Variants in DGAT2 observed in about 807,000 individuals in gnomAD.
DGAT2 encodes diacylglycerol O-acyltransferase 2.
DGAT2 carries 33 observed loss-of-function variants against 48.4 expected under a neutral mutation model. The observed-to-expected ratio is 0.68, with a 90% CI of 0.52 to 0.91. The LOEUF is 0.91. DGAT2 is among the 40% of genes least tolerant of loss of function. The probability of loss-of-function intolerance (pLI) is 0.00; values close to 1 mark genes in which losing one functional copy is unlikely to be tolerated. For missense variants in DGAT2, 446 were observed against 493.7 expected (o/e 0.90, Z 0.92); for synonymous variants, 191 against 194.1 (o/e 0.98, Z 0.13).
chr11:75,772,339 G>A (rs1944766951), intron 1 of DGAT2, among the ~76,000 whole-genome samples: 1 of 152,110 alleles, frequency 6.6e-6, no homozygotes, highest in Non-Finnish European at 1.5e-5. Context: ...GGCCTATGAA[G>A]TAAGCCCCAG....
chr11:75,773,040 C>T (rs1418285371), intron 1 of DGAT2, among the ~76,000 whole-genome samples: 1 of 152,184 alleles, frequency 6.6e-6, no homozygotes, highest in Non-Finnish European at 1.5e-5. Flanking sequence ...CCCTTGGAAA[C>T]AGGAACCTTG....
intron 4 of DGAT2, 189 bp from the exon 5 acceptor site, chr11:75,796,139 G>A: frequency 3.1e-6 from 2 of 635,068 alleles, no homozygotes. Context: ...CAGTGCAAAT[G>A]GTGACTGCCC....
In DGAT2 at chr11:75,769,126, C is replaced by A; in HGVS notation, c.121+14C>A. On this transcript the variant is annotated intron_variant, in intron 1 of 7. Coordinates refer to ENST00000228027, the MANE Select transcript of DGAT2 (RefSeq NM_032564.5). ...CTGGGAGATGGGGTGAGTGCCACGG[C>A]GCAGGGGTTATGGACCTGCGAGAAG... 1 of 1,554,702 alleles carries A rather than the reference C, an allele frequency of 6.4e-7. No homozygotes were observed. Among genetic ancestry groups the A allele is most frequent in the East Asian group, 2.5e-5 (1 of 39,672 alleles).
Position 75,797,263 on chromosome 11 carries a change from C to T in DGAT2, c.740C>T (p.Ser247Phe). The change falls in exon 6 of 8, where the codon TCC (serine) becomes TTC (phenylalanine). Residue 247 changes from serine (S) to phenylalanine (F), a missense_variant. Coordinates refer to ENST00000228027, the MANE Select transcript of DGAT2 (RefSeq NM_032564.5). ...VVGGAAESLS[S>F]MPGKNAVTLR... Reference sequence around the variant, plus strand: ...GGGGGTGCGGCTGAGTCTCTGAGCTCCATGCCTGGCAAGAATGCAGTCACC... The same window carrying T: ...GGGGGTGCGGCTGAGTCTCTGAGCTTCATGCCTGGCAAGAATGCAGTCACC... 3 of 1,578,788 alleles carry T rather than the reference C, an allele frequency of 1.9e-6. No homozygotes were observed. The highest frequency in any genetic ancestry group is 2.6e-6 in the Non-Finnish European group (3 of 1,162,628).
In DGAT2 at chr11:75,800,514, C is replaced by A; in HGVS notation, c.*6C>A. The stretch of plus-strand genomic sequence containing the variant: ...AGGTCCTGGAGGTGAACTGAGCCAG[C>A]CTTCGGGGCCAATTCCCTGGAGGAA... On this transcript the variant is annotated 3_prime_UTR_variant, in exon 8 of 8. Coordinates refer to ENST00000228027, the MANE Select transcript of DGAT2 (RefSeq NM_032564.5). 1 of 1,613,482 alleles carries A rather than the reference C, an allele frequency of 6.2e-7. No individual in the cohort carries two copies.
At chr11:75,798,142 T>C in intron 6 of DGAT2, 85 bp from the exon 7 acceptor site, 1 of 1,409,858 alleles carries the variant, frequency 7.1e-7, no homozygotes, top group East Asian at 2.3e-5. Context: ...AGGGGGATGC[T>C]TGGCCAGTGT....
intron 1 of DGAT2, among the ~76,000 whole-genome samples, chr11:75,781,789 A>G (rs1944866883): frequency 6.6e-6 from 1 of 151,870 alleles, no homozygotes; most frequent in Non-Finnish European, 1.5e-5. Flanking sequence ...GACTTGGGAG[A>G]CTCCCGCAGG....
At chr11:75,772,002 A>G (rs1489863399) in intron 1 of DGAT2, among the ~76,000 whole-genome samples, 3 of 152,186 alleles carry the variant, frequency 2.0e-5, no homozygotes, top group Admixed American at 2.0e-4. Flanking sequence ...GGACTTTCCC[A>G]GGGTTATCAA....
At chr11:75,774,489 C>T (rs997762476) in intron 1 of DGAT2, among the ~76,000 whole-genome samples, 2 of 152,236 alleles carry the variant, frequency 1.3e-5, no homozygotes, top group East Asian at 1.9e-4. Flanking sequence ...TAAGCCCTGC[C>T]TCTGCTTCCC....
intron 1 of DGAT2, among the ~76,000 whole-genome samples, chr11:75,779,793 T>G (rs1944840695): frequency 6.6e-6 from 1 of 152,174 alleles, no homozygotes; most frequent in Non-Finnish European, 1.5e-5. Context: ...GTGGAGAAAC[T>G]TGTACCTAGG....
intron 2 of DGAT2, among the ~76,000 whole-genome samples, chr11:75,785,353 G>A (rs1237579431): frequency 6.6e-5 from 10 of 152,266 alleles, no homozygotes; most frequent in Non-Finnish European, 8.8e-5. Flanking sequence ...GGGAATCATC[G>A]GGAGGTGCCC....
rs553565050 is a variant in DGAT2, at chr11:75,777,116, T to C, written c.122-7502T>C. Reference sequence around the variant, plus strand: ...GGGCCCAGGTGTGGCATCCTTGGGGTTGGGGATGTGGGCAGGGTGACCCCC... The same window carrying C: ...GGGCCCAGGTGTGGCATCCTTGGGGCTGGGGATGTGGGCAGGGTGACCCCC... On this transcript the variant is annotated intron_variant, in intron 1 of 7. Coordinates refer to ENST00000228027, the MANE Select transcript of DGAT2 (RefSeq NM_032564.5). 3.3e-5 allele frequency among the ~76,000 whole-genome samples: 5 copies of C among 152,178 alleles called. No individual in the cohort carries two copies. In the East Asian group the frequency reaches 9.7e-4, roughly 29 times the overall value.
Position 75,797,319 on chromosome 11 carries a change from G to A in DGAT2, c.796G>A (p.Ala266Thr). 1 of 1,511,362 alleles carries A rather than the reference G, an allele frequency of 6.6e-7. No individual in the cohort carries two copies. The highest frequency in any genetic ancestry group is 1.4e-5 in the African/African-American group (1 of 71,126). The allele number at this position is 1,511,362 out of a possible 1,614,324, so 93.6% of individuals were successfully genotyped here. ...LRNRKGFVKL[A>T]LRHGADLVPI... Reference sequence around the variant, plus strand: ...GAACCGCAAGGGCTTTGTGAAACTGGCCCTGCGTCATGGGTGAGTGCCTCC... The same window carrying A: ...GAACCGCAAGGGCTTTGTGAAACTGACCCTGCGTCATGGGTGAGTGCCTCC... Residue 266 changes from alanine (A) to threonine (T), a missense_variant, in exon 6 of 8, where the codon GCC becomes ACC. Transcript: ENST00000228027.
At chr11:75,787,065 AT>A (rs550898147) in intron 2 of DGAT2, among the ~76,000 whole-genome samples, 66 of 150,658 alleles carry the variant, frequency 4.4e-4, no homozygotes, top group Middle Eastern at 3.4e-3. Context: ...AGAAGAAATG[AT>A]TTTTTTTAAG....
At chr11:75,773,483 G>C (rs1354965609) in intron 1 of DGAT2, among the ~76,000 whole-genome samples, 1 of 152,162 alleles carries the variant, frequency 6.6e-6, no homozygotes. Context: ...TGGAAAATAG[G>C]GTCAGAATTC....
At chr11:75,800,263 C>A in intron 7 of DGAT2, 91 bp from the exon 8 acceptor site, 2 of 1,458,804 alleles carry the variant, frequency 1.4e-6, no homozygotes. Context: ...ACATGGCGGG[C>A]CCACAGCCCA....
chr11:75,784,666 C>T lies in DGAT2; in HGVS notation c.170C>T (p.Thr57Ile). The change falls in exon 2 of 8, where the codon ACC becomes ATC. Residue 57 changes from threonine to isoleucine, a missense_variant. Transcript: ENST00000228027. ...GCCCTCCAGGACCTCTTCTCTGTCA[C>T]CTGGCTCAATAGGTCCAAGGTGGAA... ...LSALQDLFSV[T>I]WLNRSKVEKQ... 1.9e-6 allele frequency: 3 copies of T among 1,614,138 alleles called. No homozygotes were observed. The highest frequency in any genetic ancestry group is 2.5e-6 in the Non-Finnish European group (3 of 1,179,990).
intron 1 of DGAT2, among the ~76,000 whole-genome samples, chr11:75,783,634 G>A (rs1362229097): frequency 6.6e-6 from 1 of 152,154 alleles, no homozygotes; most frequent in Non-Finnish European, 1.5e-5. Context: ...GTTGAGCAAA[G>A]GGCATGTAGT....
chr11:75,775,513 C>T (rs1225775602), intron 1 of DGAT2, among the ~76,000 whole-genome samples: 2 of 152,188 alleles, frequency 1.3e-5, no homozygotes, highest in East Asian at 3.9e-4. Flanking sequence ...CGTTTTGGGA[C>T]CAGTTCTATA....
Sources: gnomAD v4.1 joint callset for allele counts (sites outside exome capture counted in the v4.1 genomes callset) on GRCh38, gnomAD v4.1.1 for gene constraint, MANE v1.5 for transcripts, NCBI Gene and HGNC (gene_info 2026-07-23, HGNC 2026-07-21) for gene names.